EP400: variants seen among roughly 807,000 people sequenced by gnomAD.
The protein encoded by EP400 is E1A binding protein p400.
EP400 carries 105 observed loss-of-function variants against 354.1 expected under a neutral mutation model. That is an observed-to-expected ratio of 0.30 (90% CI 0.25 to 0.35). The LOEUF is 0.35. Among genes scored for constraint, EP400 ranks in the 10% least tolerant of loss-of-function variants. EP400 has a pLI of 1.00. For synonymous variants in EP400, 1,646 were observed against 1,716.9 expected (o/e 0.96, Z 1.02); for missense variants, 3,280 against 4,121.0 (o/e 0.80, Z 5.59).
intron 7 of EP400, 58 bp from the exon 8 acceptor site, chr12:131,989,905 CT>C (rs972004190): frequency 8.2e-6 from 13 of 1,579,036 alleles, no homozygotes; most frequent in Admixed American, 5.9e-5. Flanking sequence ...GTTACATATC[CT>C]TTTTTTTCCA....
chr12:132,008,073 C>G (rs972024822), intron 15 of EP400, among the ~76,000 whole-genome samples: 3 of 152,160 alleles, frequency 2.0e-5, no homozygotes, highest in African/African-American at 7.2e-5. Flanking sequence ...CTCAGCCTCC[C>G]AAGTAGCTGG....
chr12:132,055,481 AGGG>A (rs1238359004), intron 45 of EP400, among the ~76,000 whole-genome samples: 6 of 77,066 alleles, frequency 7.8e-5, no homozygotes, highest in Non-Finnish European at 1.0e-4. Context: ...TGTGAGGTGT[AGGG>A]GTGTGTGTGA....
At chr12:132,020,258 G>A in intron 22 of EP400, 40 bp downstream of exon 22, 2 of 1,530,754 alleles carry the variant, frequency 1.3e-6, no homozygotes, top group Non-Finnish European at 1.8e-6. Flanking sequence ...CCTTATGGAG[G>A]TTTTTGTGGG....
chr12:132,006,633 G>A (rs1252981522), intron 14 of EP400, 67 bp from the exon 15 acceptor site: 1 of 1,476,698 alleles, frequency 6.8e-7, no homozygotes, highest in Non-Finnish European at 9.1e-7. Flanking sequence ...GTTGATTTCA[G>A]TTTTGAGAAA....
At chr12:132,008,689 G>A (rs1434272436) in intron 15 of EP400, among the ~76,000 whole-genome samples, 4 of 151,180 alleles carry the variant, frequency 2.6e-5, no homozygotes, top group Middle Eastern at 3.4e-3. Context: ...CAAGAGGATC[G>A]CTTGAGGCCT....
At chr12:131,980,508 T>C (rs1892643228) in intron 3 of EP400, among the ~76,000 whole-genome samples, 1 of 152,172 alleles carries the variant, frequency 6.6e-6, no homozygotes, top group Admixed American at 6.6e-5. Flanking sequence ...GGATTGAACA[T>C]GTAGTCTCAT....
rs1475119227 is a variant in EP400, at chr12:132,038,125, G to A, written c.6207+29G>A. 6.2e-7 allele frequency: 1 copy of A among 1,613,198 alleles called. No homozygotes were observed. Among genetic ancestry groups the A allele is most frequent in the Non-Finnish European group, 8.5e-7 (1 of 1,179,216 alleles). ...AGAATACATTGAATCTGGCTGAAGA[G>A]TTGCACGGTGGGAGCCGGCGGAACA... is the stretch of plus-strand genomic sequence containing the variant. On this transcript the variant is annotated intron_variant, in intron 32 of 52. Transcript: ENST00000389561. This position sits in a 1 kb window ranked among gnomAD's most constrained non-coding sequence, Gnocchi z 4.2.
intron 39 of EP400, among the ~76,000 whole-genome samples, chr12:132,048,463 G>C (rs1296208664): frequency 6.6e-6 from 1 of 151,248 alleles, no homozygotes; most frequent in Non-Finnish European, 1.5e-5. Flanking sequence ...TTTTATAGCT[G>C]ATTTATGAAG....
rs1593390111 is a variant in EP400 at position 132,070,673 on chromosome 12, T to C, written c.9021+1032T>C. Among the ~76,000 whole-genome samples, 1 of 152,272 alleles carries C rather than the reference T, an allele frequency of 6.6e-6. No homozygotes were observed. Among genetic ancestry groups the C allele is most frequent in the East Asian group, 1.9e-4 (1 of 5,208 alleles). Reference sequence around the variant, plus strand: ...CTGTTCAGGGGAGAGTTGACATCTTTACAGTCTTTCCTTCAGATTCACCAA... The same window carrying C: ...CTGTTCAGGGGAGAGTTGACATCTTCACAGTCTTTCCTTCAGATTCACCAA... On this transcript the variant is annotated intron_variant, in intron 51 of 52. Transcript: ENST00000389561. The surrounding 1 kb of genome is among the most constrained non-coding windows in gnomAD (Gnocchi z 4.1).
Position 132,050,389 on chromosome 12 carries a change from C to A in EP400, c.7267C>A (p.Gln2423Lys), listed in dbSNP as rs201792443. ...CCAGGATGAGAATGCCACACACACC[C>A]AGCTGTACACGAGCCACTTTGACTT... ...YAQDENATHT[Q>K]LYTSHFDLMK... The change falls in exon 40 of 53, where the codon CAG (glutamine) becomes AAG (lysine). Residue 2423 changes from glutamine (Q) to lysine (K), a missense_variant. Transcript: ENST00000389561. This position sits in a 1 kb window ranked among gnomAD's most constrained non-coding sequence, Gnocchi z 4.8. 23 of 1,614,144 alleles carry A rather than the reference C, an allele frequency of 1.4e-5. No individual in the cohort carries two copies. The East Asian group carries it at 4.7e-4, about 33-fold the overall frequency.
intron 15 of EP400, among the ~76,000 whole-genome samples, chr12:132,009,163 C>T (rs1207798350): frequency 1.3e-5 from 2 of 151,692 alleles, no homozygotes; most frequent in Non-Finnish European, 2.9e-5. Flanking sequence ...AACTCCTGGG[C>T]TCAAGAGATC....
Position 131,978,501 on chromosome 12 carries a change from G to C in EP400, c.1336-1193G>C, listed in dbSNP as rs529475382. On this transcript the variant is annotated intron_variant, in intron 2 of 52. Coordinates refer to ENST00000389561, the MANE Select transcript of EP400 (RefSeq NM_015409.5). Reference sequence around the variant, plus strand: ...GATCATGTAGCATGTCGCCTTTTCAGATTGGCTTCTTTCATTTTTTGTTTT... The same window carrying C: ...GATCATGTAGCATGTCGCCTTTTCACATTGGCTTCTTTCATTTTTTGTTTT... 1.4e-4 allele frequency among the ~76,000 whole-genome samples: 21 copies of C among 152,184 alleles called. 1 individual carries two copies. In the South Asian group the frequency reaches 4.3e-3, roughly 32 times the overall value.
intron 47 of EP400, 122 bp downstream of exon 47, chr12:132,062,823 C>G: frequency 8.1e-7 from 1 of 1,234,562 alleles, no homozygotes; most frequent in South Asian, 1.5e-5. Context: ...TCTAGCACTG[C>G]CTTTATGTAG....
Position 132,037,947 on chromosome 12 carries a change from G to A in EP400, c.6064-6G>A. 6.2e-7 allele frequency: 1 copy of A among 1,614,210 alleles called. No individual in the cohort carries two copies. The highest frequency in any genetic ancestry group is 1.1e-5 in the South Asian group (1 of 91,084). ...ACTGGGGAGTAACACACATCTCTGT[G>A]TTCAGCGAACCATCCAGGAGCTGTT... is the stretch of plus-strand genomic sequence containing the variant. On this transcript the variant is annotated splice_polypyrimidine_tract_variant and splice_region_variant and intron_variant, in intron 31 of 52. Transcript: ENST00000389561.
Position 132,025,840 on chromosome 12 carries a change from G to T in EP400, c.5014+36G>T. 8 of 1,537,542 alleles carry T rather than the reference G, an allele frequency of 5.2e-6. No individual in the cohort carries two copies. The highest frequency in any genetic ancestry group is 7.0e-6 in the Non-Finnish European group (8 of 1,145,472). ...CTGAGCAGGAGGGAGACTTGGCTTG[G>T]ATGCTTCTTTCTCTTCCATCTAAGG... On this transcript the variant is annotated intron_variant, in intron 25 of 52. Coordinates refer to ENST00000389561, the MANE Select transcript of EP400 (RefSeq NM_015409.5). The surrounding 1 kb of genome is among the most constrained non-coding windows in gnomAD (Gnocchi z 4.1).
At chr12:131,982,969 C>CAA (rs57882341) in intron 5 of EP400, among the ~76,000 whole-genome samples, 41 of 112,396 alleles carry the variant, frequency 3.6e-4, no homozygotes, top group South Asian at 2.2e-3. Context: ...GACTCTGTCT[C>CAA]AAAAAAAAAA....
chr12:131,980,115 C>T (rs191143369), intron 3 of EP400, among the ~76,000 whole-genome samples: 1 of 152,212 alleles, frequency 6.6e-6, no homozygotes, highest in East Asian at 1.9e-4. Flanking sequence ...CTGATTTTTT[C>T]AAATGATAAA....
intron 15 of EP400, among the ~76,000 whole-genome samples, chr12:132,010,189 T>C (rs1014668299): frequency 1.3e-5 from 2 of 150,984 alleles, no homozygotes; most frequent in African/African-American, 4.9e-5. Flanking sequence ...CGGGTTCAAG[T>C]GATTCTCCTT....
intron 1 of EP400, among the ~76,000 whole-genome samples, chr12:131,958,702 G>A (rs1016528399): frequency 5.3e-5 from 8 of 151,996 alleles, no homozygotes; most frequent in Admixed American, 3.9e-4. Context: ...TATTTTTCTT[G>A]TAGAGATGGG....
Sources: allele counts gnomAD v4.1 joint callset (sites outside exome capture counted in the v4.1 genomes callset), GRCh38; gene constraint gnomAD v4.1.1; non-coding constraint Gnocchi (gnomAD v3.1); transcripts MANE v1.5; gene names NCBI Gene and HGNC (gene_info 2026-07-23, HGNC 2026-07-21).